YEATS2: variants seen among roughly 807,000 people sequenced by gnomAD.
The protein encoded by YEATS2 is YEATS domain containing 2.
In YEATS2, 77 loss-of-function variants were observed where a neutral mutation model predicts 163.2. The ratio of observed to expected loss-of-function variants is 0.47; its 90% CI spans 0.39 to 0.57. The LOEUF (loss-of-function observed/expected upper bound fraction) is 0.57. Among genes scored for constraint, YEATS2 ranks in the 20% least tolerant of loss-of-function variants. The pLI, the probability that YEATS2 is intolerant of heterozygous loss-of-function variation, is 0.00. For missense variants in YEATS2, 1,549 were observed against 1,729.8 expected (o/e 0.90, Z 1.85); for synonymous variants, 631 against 645.1 (o/e 0.98, Z 0.33).
intron 21 of YEATS2, chr3:183,793,064 G>A (rs949392702): frequency 2.9e-5 from 31 of 1,073,720 alleles, no homozygotes; most frequent in Admixed American, 1.9e-4. Flanking sequence ...TAAAAATGTC[G>A]CAGCACTATC....
At chr3:183,750,821 G>A (rs1720082050) in intron 9 of YEATS2, among the ~76,000 whole-genome samples, 1 of 152,106 alleles carries the variant, frequency 6.6e-6, no homozygotes, top group South Asian at 2.1e-4. Flanking sequence ...AGTGACAGGA[G>A]TTATTCATAT....
At chr3:183,802,109 T>G (rs555464553) in intron 25 of YEATS2, 1 of 152,428 alleles carries the variant, frequency 6.6e-6, no homozygotes, top group Non-Finnish European at 1.5e-5. Flanking sequence ...CCTCCCAAAG[T>G]GACGTGCTGC....
rs572563110 is a variant in YEATS2, at chr3:183,746,908, C to CT, written c.925-754dup. Among the ~76,000 whole-genome samples, 68 of 148,830 alleles carry CT rather than the reference C, an allele frequency of 4.6e-4. 4 individuals are homozygous for CT. In the South Asian group the frequency reaches 0.012, roughly 26 times the overall value. The stretch of plus-strand genomic sequence containing the variant: ...TACCCTGGCTTCATTTTTTCCCTCT[C>CT]TTTTTTTTTTCTACCCAATTTAATA... On this transcript the variant is annotated intron_variant, in intron 8 of 30. Transcript: ENST00000305135.
intron 26 of YEATS2, 91 bp from the exon 27 acceptor site, chr3:183,803,896 G>A (rs1725925613): frequency 1.4e-6 from 2 of 1,402,378 alleles, no homozygotes. Flanking sequence ...TAACAGGTTA[G>A]GTTAGGATGG....
At chr3:183,795,734 T>A (rs1023718166) in intron 21 of YEATS2, among the ~76,000 whole-genome samples, 2 of 152,124 alleles carry the variant, frequency 1.3e-5, no homozygotes, top group Non-Finnish European at 2.9e-5. Flanking sequence ...TATAAGCCTT[T>A]TAGTACTTTC....
intron 8 of YEATS2, among the ~76,000 whole-genome samples, chr3:183,742,001 G>A (rs1331862311): frequency 6.6e-6 from 1 of 150,752 alleles, no homozygotes; most frequent in Non-Finnish European, 1.5e-5. Context: ...GTGAGCCCAG[G>A]AGTTTGAGAC....
chr3:183,767,449 C>T (rs551517300), intron 15 of YEATS2, among the ~76,000 whole-genome samples: 43 of 151,636 alleles, frequency 2.8e-4, no homozygotes, highest in African/African-American at 9.7e-4. Flanking sequence ...GGCGCCATCT[C>T]GGCTCACTAC....
chr3:183,701,376 C>T (rs1036610647), intron 1 of YEATS2, among the ~76,000 whole-genome samples: 1 of 148,478 alleles, frequency 6.7e-6, no homozygotes, highest in African/African-American at 2.5e-5. Flanking sequence ...TGAGCCACCG[C>T]GCCCGGCCGG....
chr3:183,701,921 G>A (rs1167681799), intron 1 of YEATS2, among the ~76,000 whole-genome samples: 1 of 152,028 alleles, frequency 6.6e-6, no homozygotes, highest in African/African-American at 2.4e-5. Context: ...AGGATAAACA[G>A]CCCTTGCCTA....
chr3:183,791,422 T>C (rs1160033148), intron 21 of YEATS2, among the ~76,000 whole-genome samples: 1 of 152,246 alleles, frequency 6.6e-6, no homozygotes, highest in Non-Finnish European at 1.5e-5. Flanking sequence ...AGTTGCTTTT[T>C]AGATGAATTA....
Position 183,798,903 on chromosome 3 carries a change from T to C in YEATS2, c.3239T>C (p.Phe1080Ser). The C allele has an allele frequency of 6.2e-7, 1 of 1,613,970 alleles. No individual in the cohort carries two copies. Among genetic ancestry groups the C allele is most frequent in the Non-Finnish European group, 8.5e-7 (1 of 1,179,834 alleles). The stretch of plus-strand genomic sequence containing the variant: ...TTTTTCCCTTTAGTGGTTCAGTCAT[T>C]TTCTACCAGCAAGCCACCTGCCATT... ...LMPVNKVVQS[F>S]STSKPPAILP... The change falls in exon 23 of 31, where the codon TTT (phenylalanine) becomes TCT (serine). Residue 1080 changes from phenylalanine (F) to serine (S), a missense_variant. Transcript: ENST00000305135.
rs780526995 is a variant in YEATS2 at position 183,800,548 on chromosome 3, GCTGGGAAA to G, written c.3411_3418del (p.Gly1138CysfsTer3). 2.2e-5 allele frequency: 36 copies of G among 1,613,946 alleles called. No homozygotes were observed. Among genetic ancestry groups the G allele is most frequent in the Non-Finnish European group, 8.5e-7 (1 of 1,179,948 alleles). Reference sequence around the variant, plus strand: ...CAGTGAAAACAGAAGAAAGTTCTGAGCTGGGAAACTATGTCATTAAGTAATTCTTCCAA... The same window carrying G: ...CAGTGAAAACAGAAGAAAGTTCTGAGCTATGTCATTAAGTAATTCTTCCAA... On this transcript the variant is annotated frameshift_variant, in exon 24 of 31. Transcript: ENST00000305135. LOFTEE classifies it high-confidence loss of function.
intron 15 of YEATS2, among the ~76,000 whole-genome samples, chr3:183,771,658 C>T (rs1220727161): frequency 6.7e-6 from 1 of 148,282 alleles, no homozygotes; most frequent in Non-Finnish European, 1.5e-5. Context: ...TCAAGGGATC[C>T]TCCCCTGCCT....
Position 183,724,542 on chromosome 3 carries a change from A to G in YEATS2, c.650+11A>G, listed in dbSNP as rs759572142. 4 of 1,569,558 alleles carry G rather than the reference A, an allele frequency of 2.5e-6. No individual in the cohort carries two copies. The highest frequency in any genetic ancestry group is 1.7e-5 in the Admixed American group (1 of 57,988). On this transcript the variant is annotated intron_variant, in intron 6 of 30. Transcript: ENST00000305135. The stretch of plus-strand genomic sequence containing the variant: ...GGGCAATGTGTCCAAGTGAGTATCC[A>G]GTTGAATTTATTTTTATTTGTCCAT...
intron 1 of YEATS2, among the ~76,000 whole-genome samples, chr3:183,709,693 T>C (rs1366003720): frequency 6.7e-6 from 1 of 150,268 alleles, no homozygotes; most frequent in African/African-American, 2.5e-5. Flanking sequence ...TTTTTTTTTT[T>C]TTGAGACAGA....
At chr3:183,715,098 A>G in intron 1 of YEATS2, 46 bp from the exon 2 acceptor site, 8 of 1,244,824 alleles carry the variant, frequency 6.4e-6, no homozygotes, top group Non-Finnish European at 9.3e-6. Flanking sequence ...CAACCCAACT[A>G]TTTAACTGAA....
intron 23 of YEATS2, among the ~76,000 whole-genome samples, chr3:183,799,772 T>C (rs1725483598): frequency 6.6e-6 from 1 of 151,874 alleles, no homozygotes; most frequent in South Asian, 2.1e-4. Context: ...ACGGTCCCAG[T>C]ATTAGAACGT....
intron 1 of YEATS2, among the ~76,000 whole-genome samples, chr3:183,710,680 A>G (rs1397235597): frequency 6.6e-6 from 1 of 151,394 alleles, no homozygotes; most frequent in East Asian, 1.9e-4. Context: ...GTTTTACACC[A>G]AAAGTCAAAG....
chr3:183,777,410 T>C, intron 18 of YEATS2, 132 bp from the exon 19 acceptor site: 1 of 916,232 alleles, frequency 1.1e-6, no homozygotes, highest in Non-Finnish European at 1.6e-6. Context: ...TTATTTTGCC[T>C]ACATTGCAGA....
Sources: gnomAD v4.1 joint callset for allele counts (sites outside exome capture counted in the v4.1 genomes callset) on GRCh38, gnomAD v4.1.1 for gene constraint, MANE v1.5 for transcripts, NCBI Gene and HGNC (gene_info 2026-07-23, HGNC 2026-07-21) for gene names.